Variants in SPIDR observed in about 807,000 individuals in gnomAD.
SPIDR encodes scaffold protein involved in DNA repair, also known as DNA repair-scaffolding protein.
Under a neutral mutation model 104.6 loss-of-function variants are expected in SPIDR, and 93 were observed. That is an observed-to-expected ratio of 0.89 (90% CI 0.75 to 1.06). SPIDR has a LOEUF of 1.06. Ranked by LOEUF, SPIDR falls within the 50% of genes least tolerant of loss-of-function variation. SPIDR has a pLI of 0.00. For synonymous variants in SPIDR, 431 were observed against 416.9 expected, an observed-to-expected ratio of 1.03 and a Z score of -0.41; for missense variants, 1,154 against 1,111.2, an observed-to-expected ratio of 1.04 and a Z score of -0.55.
At chr8:47,265,608 C>T (rs1387821987) in intron 1 of SPIDR, among the ~76,000 whole-genome samples, 3 of 152,100 alleles carry the variant, frequency 2.0e-5, no homozygotes, top group African/African-American at 7.2e-5. Flanking sequence ...AACATGTTTT[C>T]TTTTTAGTCA....
At chr8:47,641,844 G>T (rs1304671732) in intron 10 of SPIDR, among the ~76,000 whole-genome samples, 3 of 152,206 alleles carry the variant, frequency 2.0e-5, no homozygotes, top group African/African-American at 7.2e-5. Context: ...TAAACTTCTG[G>T]GTGCTCAGTG....
chr8:47,500,382 T>C (rs1461684977), intron 8 of SPIDR, among the ~76,000 whole-genome samples: 1 of 152,262 alleles, frequency 6.6e-6, no homozygotes, highest in Non-Finnish European at 1.5e-5. Flanking sequence ...TTTGTATTTC[T>C]CTGATGGCCA....
chr8:47,582,827 T>TACACACAC (rs72295566), intron 8 of SPIDR, among the ~76,000 whole-genome samples: 69 of 130,264 alleles, frequency 5.3e-4, no homozygotes, highest in South Asian at 1.6e-3. Context: ...AACAACAAAT[T>TACACACAC]ACACACACAC....
chr8:47,550,236 C>G (rs1428128850), intron 8 of SPIDR, among the ~76,000 whole-genome samples: 2 of 152,270 alleles, frequency 1.3e-5, no homozygotes, highest in African/African-American at 2.4e-5. Context: ...TTAGGATTGT[C>G]TTTGCTATGC....
intron 8 of SPIDR, among the ~76,000 whole-genome samples, chr8:47,529,000 C>T (rs1012356659): frequency 6.6e-6 from 1 of 152,110 alleles, no homozygotes; most frequent in Non-Finnish European, 1.5e-5. Flanking sequence ...CAGAAAATTA[C>T]AGACAAAGAA....
At chr8:47,406,427 G>T (rs1554667320) in intron 6 of SPIDR, among the ~76,000 whole-genome samples, 2 of 152,096 alleles carry the variant, frequency 1.3e-5, no homozygotes, top group Non-Finnish European at 2.9e-5. Flanking sequence ...GCATAAACGA[G>T]TTACTTCATG....
intron 16 of SPIDR, among the ~76,000 whole-genome samples, chr8:47,714,104 A>C (rs1458691475): frequency 2.0e-5 from 3 of 152,054 alleles, no homozygotes; most frequent in Non-Finnish European, 4.4e-5. Flanking sequence ...AGGTGGGACC[A>C]AGCTGAGGCT....
chr8:47,543,670 T>TA (rs926941871), intron 8 of SPIDR, among the ~76,000 whole-genome samples: 1 of 152,148 alleles, frequency 6.6e-6, no homozygotes, highest in Non-Finnish European at 1.5e-5. Context: ...GGTCACATGT[T>TA]AAAAAAATGA....
intron 5 of SPIDR, among the ~76,000 whole-genome samples, chr8:47,373,211 A>T (rs1394181417): frequency 6.6e-6 from 1 of 152,178 alleles, no homozygotes; most frequent in East Asian, 1.9e-4. Flanking sequence ...GCATAAATTT[A>T]AAAAAATCAC....
intron 11 of SPIDR, among the ~76,000 whole-genome samples, chr8:47,688,016 A>AAGTGTGTGT (rs1554578540): frequency 1.4e-5 from 2 of 145,676 alleles, no homozygotes; most frequent in Admixed American, 6.8e-5. Context: ...AAAAAAAAAA[A>AAGTGTGTGT]GTGTGTGTGT....
intron 8 of SPIDR, among the ~76,000 whole-genome samples, chr8:47,551,287 T>A (rs1025925504): frequency 6.6e-6 from 1 of 152,288 alleles, no homozygotes; most frequent in South Asian, 2.1e-4. Context: ...GGCCTCATAA[T>A]ATGAGTTAGG....
intron 8 of SPIDR, among the ~76,000 whole-genome samples, chr8:47,572,524 T>G (rs1019526133): frequency 2.4e-4 from 37 of 151,982 alleles, no homozygotes; most frequent in African/African-American, 8.7e-4. Flanking sequence ...TAGCTGGGCA[T>G]GGTGGCGGAC....
chr8:47,719,103 A>G (rs1196238592), intron 16 of SPIDR, among the ~76,000 whole-genome samples: 1 of 152,172 alleles, frequency 6.6e-6, no homozygotes, highest in Non-Finnish European at 1.5e-5. Context: ...TGGTTTGCCA[A>G]TGAGAAGTTC....
intron 5 of SPIDR, among the ~76,000 whole-genome samples, chr8:47,365,464 G>A (rs1391744020): frequency 5.9e-5 from 9 of 152,164 alleles, no homozygotes; most frequent in Admixed American, 5.9e-4. Flanking sequence ...ACATGGGAAG[G>A]TTTCTTTTTT....
chr8:47,566,392 C>T (rs1295795260), intron 8 of SPIDR, among the ~76,000 whole-genome samples: 1 of 151,964 alleles, frequency 6.6e-6, no homozygotes, highest in Non-Finnish European at 1.5e-5. Flanking sequence ...AGGTACAGAT[C>T]TACTTCCCTT....
At chr8:47,340,428 A>C (rs180961923) in intron 5 of SPIDR, among the ~76,000 whole-genome samples, 216 of 152,152 alleles carry the variant, frequency 1.4e-3, no homozygotes, top group Non-Finnish European at 2.5e-3. Context: ...AACATGGCGA[A>C]ACCCCGTCTC....
intron 5 of SPIDR, among the ~76,000 whole-genome samples, chr8:47,392,179 T>C (rs928115408): frequency 6.6e-6 from 1 of 152,124 alleles, no homozygotes; most frequent in African/African-American, 2.4e-5. Flanking sequence ...CATCTCCAAT[T>C]TGAAGATGGG....
chr8:47,487,501 G>A (rs1034680135), intron 8 of SPIDR, among the ~76,000 whole-genome samples: 13 of 152,190 alleles, frequency 8.5e-5, no homozygotes, highest in African/African-American at 3.1e-4. Context: ...TGCACCTAGA[G>A]GACCTAATAG....
intron 8 of SPIDR, among the ~76,000 whole-genome samples, chr8:47,465,403 TA>T (rs2074606224): frequency 6.6e-6 from 1 of 151,898 alleles, no homozygotes; most frequent in Non-Finnish European, 1.5e-5. Context: ...GTGCCCAAAT[TA>T]AAAGGCACAG....
Sources: allele counts gnomAD v4.1 joint callset (sites outside exome capture counted in the v4.1 genomes callset), GRCh38; gene constraint gnomAD v4.1.1; transcripts MANE v1.5; gene names NCBI Gene and HGNC (gene_info 2026-07-23, HGNC 2026-07-21).